APBB1IP: variants seen among roughly 807,000 people sequenced by gnomAD.
APBB1IP encodes the protein amyloid beta precursor protein binding family B member 1 interacting protein.
In APBB1IP, 27 loss-of-function variants were observed where a neutral mutation model predicts 64.9. The ratio of observed to expected loss-of-function variants is 0.42; its 90% CI spans 0.31 to 0.57. The LOEUF is 0.57. Among genes scored for constraint, APBB1IP ranks in the 20% least tolerant of loss-of-function variants. APBB1IP has a pLI of 0.20. For missense variants in APBB1IP, 812 were observed against 845.5 expected, an observed-to-expected ratio of 0.96 and a Z score of 0.49; for synonymous variants, 392 against 331.0, an observed-to-expected ratio of 1.18 and a Z score of -2.00.
intron 2 of APBB1IP, among the ~76,000 whole-genome samples, chr10:26,443,923 A>G (rs556590224): frequency 7.2e-5 from 11 of 152,358 alleles, no homozygotes; most frequent in Admixed American, 2.6e-4. Context: ...GTCAGTGAAC[A>G]AAAGAGACAA....
At position 26,567,164 on chromosome 10, in the gene APBB1IP, G is replaced by A. The variant is rs1481662367; in HGVS notation, c.1677G>A (p.Pro559=). 5 of 1,414,360 alleles carry A rather than the reference G, an allele frequency of 3.5e-6. No individual in the cohort carries two copies. The highest frequency in any genetic ancestry group is 6.0e-5 in the Admixed American group (2 of 33,346). The allele number at this position is 1,414,360 out of a possible 1,614,324, so 87.6% of individuals were successfully genotyped here. ...ACGACTTCCTGCCGCCGCCGCCACC[G>A]CCGCCGCCCCTCGATGACCCTGAGC... is the stretch of plus-strand genomic sequence containing the variant. The part of the protein sequence containing the change: ...PPDDFLPPPP[P]PPPLDDPELP... Residue 559 remains proline (P), a synonymous_variant, in exon 15 of 15, where the codon CCG becomes CCA. Transcript: ENST00000376236.
chr10:26,488,635 A>C lies in APBB1IP; in HGVS notation c.1-3692A>C, dbSNP rs977326562. Among the ~76,000 whole-genome samples, 43 of 152,238 alleles carry C rather than the reference A, an allele frequency of 2.8e-4. 1 individual carries two copies. Among genetic ancestry groups the C allele is most frequent in the African/African-American group, 1.0e-3 (43 of 41,468 alleles). ...ATGACTCCTCATGCTGACTTCCCTCATGAACCAGGGGCAGGGCCCACCTGC... is the reference window on the plus strand; with the variant it reads ...ATGACTCCTCATGCTGACTTCCCTCCTGAACCAGGGGCAGGGCCCACCTGC... On this transcript the variant is annotated intron_variant, in intron 2 of 14. Coordinates refer to ENST00000376236, the MANE Select transcript of APBB1IP (RefSeq NM_019043.4).
intron 3 of APBB1IP, among the ~76,000 whole-genome samples, 198 bp downstream of exon 3, chr10:26,492,596 G>A (rs1470893781): frequency 6.6e-6 from 1 of 152,144 alleles, no homozygotes; most frequent in South Asian, 2.1e-4. Flanking sequence ...ACAAAAGAGA[G>A]AAATTTTAAA....
intron 10 of APBB1IP, among the ~76,000 whole-genome samples, chr10:26,536,753 A>C (rs959572146): frequency 4.3e-5 from 5 of 115,190 alleles, no homozygotes; most frequent in African/African-American, 1.7e-4. Context: ...CTACAGGTGC[A>C]TGCCACCATG....
At chr10:26,459,401 G>A (rs1046689815) in intron 2 of APBB1IP, among the ~76,000 whole-genome samples, 14 of 152,042 alleles carry the variant, frequency 9.2e-5, no homozygotes, top group African/African-American at 3.1e-4. Flanking sequence ...ATAAACATAC[G>A]TGTCATGTGT....
intron 11 of APBB1IP, among the ~76,000 whole-genome samples, chr10:26,553,244 A>C (rs1374860858): frequency 6.6e-6 from 1 of 151,782 alleles, no homozygotes. Flanking sequence ...CTGGTCTCGA[A>C]CCCCTGACCT....
intron 9 of APBB1IP, 122 bp downstream of exon 9, chr10:26,533,647 TA>T: frequency 2.0e-6 from 1 of 510,304 alleles, no homozygotes. Flanking sequence ...GTTGGGGTGT[TA>T]AAATCAAATT....
chr10:26,566,879 C>T (rs760598590), intron 14 of APBB1IP, 82 bp from the exon 15 acceptor site: 2 of 1,413,398 alleles, frequency 1.4e-6, no homozygotes, highest in Non-Finnish European at 1.9e-6. Context: ...AGAGTGAGAC[C>T]CCGTCTCCAT....
intron 11 of APBB1IP, among the ~76,000 whole-genome samples, chr10:26,559,216 A>G (rs1836935192): frequency 6.6e-6 from 1 of 152,208 alleles, no homozygotes; most frequent in South Asian, 2.1e-4. Flanking sequence ...AGAGGTGAAA[A>G]GCTTCCAAAA....
At chr10:26,544,334 C>G (rs1836734385) in intron 11 of APBB1IP, among the ~76,000 whole-genome samples, 1 of 152,238 alleles carries the variant, frequency 6.6e-6, no homozygotes. Context: ...GGTCAGTAAA[C>G]TGGCTGAATC....
At chr10:26,559,066 C>T (rs1564378522) in intron 11 of APBB1IP, among the ~76,000 whole-genome samples, 1 of 152,056 alleles carries the variant, frequency 6.6e-6, no homozygotes, top group Non-Finnish European at 1.5e-5. Context: ...CAGAAAAAAC[C>T]CTAGAACCAG....
At chr10:26,561,513 T>C (rs28375710) in intron 13 of APBB1IP, among the ~76,000 whole-genome samples, 7,889 of 151,888 alleles carry the variant, frequency 0.052, 672 homozygotes, top group African/African-American at 0.18. Context: ...GGATGAGGTG[T>C]TGATCTCCTG....
intron 2 of APBB1IP, among the ~76,000 whole-genome samples, chr10:26,479,693 G>T (rs943875): frequency 6.6e-6 from 1 of 152,146 alleles, no homozygotes. Flanking sequence ...ATGTATTTTT[G>T]CTACGCTTTT....
chr10:26,530,896 T>A (rs1836544539), intron 8 of APBB1IP, among the ~76,000 whole-genome samples: 1 of 152,186 alleles, frequency 6.6e-6, no homozygotes, highest in African/African-American at 2.4e-5. Context: ...ATATGGCTAG[T>A]CGTGGTCTTC....
Position 26,560,785 on chromosome 10 carries a change from C to A in APBB1IP, c.1310C>A (p.Ala437Asp). ...YQRAVAKAGL[A>D]SRWTNLGTVN... ...CGGGCTGTGGCAAAGGCTGGACTTG[C>A]CTCTCGGTGGACAAACTTGGGGACA... The change falls in exon 13 of 15, where the codon GCC (alanine) becomes GAC (aspartate). Residue 437 changes from alanine to aspartate, a missense_variant. Physicochemically the swap from Ala to Asp is moderately radical, Grantham distance 126 (BLOSUM62 -2). Coordinates refer to ENST00000376236, the MANE Select transcript of APBB1IP (RefSeq NM_019043.4). 2 of 1,609,624 alleles carry A rather than the reference C, an allele frequency of 1.2e-6. No homozygotes were observed. The highest frequency in any genetic ancestry group is 1.7e-6 in the Non-Finnish European group (2 of 1,177,576).
At chr10:26,523,205 A>T (rs1470750220) in intron 8 of APBB1IP, among the ~76,000 whole-genome samples, 1 of 152,160 alleles carries the variant, frequency 6.6e-6, no homozygotes, top group Non-Finnish European at 1.5e-5. Context: ...AACCTTGTTC[A>T]CATAAATAAG....
In APBB1IP at chr10:26,536,184, T is replaced by C; in HGVS notation, c.1011T>C (p.Ser337=). 6.2e-7 allele frequency: 1 copy of C among 1,601,392 alleles called. No homozygotes were observed. Among genetic ancestry groups the C allele is most frequent in the Non-Finnish European group, 8.5e-7 (1 of 1,176,242 alleles). ...WKRRYFLLRA[S]GIYYVPKGKT... is the part of the protein sequence containing the mutation. ...GGCGCTATTTTCTTTTACGGGCTTC[T>C]GGAATTTATTATGTACCCAAAGGAA... The change falls in exon 10 of 15, where the codon TCT becomes TCC. Residue 337 remains serine, a synonymous_variant. Coordinates refer to ENST00000376236, the MANE Select transcript of APBB1IP (RefSeq NM_019043.4).
chr10:26,505,581 G>T (rs1214134027), intron 6 of APBB1IP, among the ~76,000 whole-genome samples: 2 of 151,986 alleles, frequency 1.3e-5, no homozygotes, highest in Non-Finnish European at 2.9e-5. Flanking sequence ...CTGGCATCAA[G>T]CGATCCTCCC....
intron 4 of APBB1IP, among the ~76,000 whole-genome samples, chr10:26,497,106 G>T (rs1328287698): frequency 2.6e-5 from 4 of 151,606 alleles, no homozygotes; most frequent in Non-Finnish European, 4.4e-5. Context: ...GAGGCAGGAA[G>T]ATCAAGGCTG....
Sources: allele counts gnomAD v4.1 joint callset (sites outside exome capture counted in the v4.1 genomes callset), GRCh38; gene constraint gnomAD v4.1.1; transcripts MANE v1.5; gene names NCBI Gene and HGNC (gene_info 2026-07-23, HGNC 2026-07-21).